Variants in LRRC37A observed in about 807,000 individuals in gnomAD.
The protein encoded by LRRC37A is leucine-rich repeat-containing protein 37A.
In LRRC37A, 3 loss-of-function variants were observed where a neutral mutation model predicts 35.4. That is an observed-to-expected ratio of 0.08 (90% confidence interval 0.04 to 0.22). LRRC37A has a LOEUF of 0.22. Among genes scored for constraint, LRRC37A ranks in the 10% least tolerant of loss-of-function variants. The pLI, the probability that LRRC37A is intolerant of heterozygous loss-of-function variation, is 1.00. For missense variants in LRRC37A, 67 were observed against 565.3 expected, an observed-to-expected ratio of 0.12 and a Z score of 8.94; for synonymous variants, 23 against 215.0, an observed-to-expected ratio of 0.11 and a Z score of 7.81.
At chr17:46,259,442 C>T in the LRRC37A span, 1 of 1,122,952 alleles carries the variant, frequency 8.9e-7, no homozygotes, top group Non-Finnish European at 1.3e-6. Flanking sequence ...GGCCCATGCC[C>T]CTCCCCACCT....
the LRRC37A span, chr17:46,267,574 C>A: frequency 6.2e-7 from 1 of 1,611,590 alleles, no homozygotes; most frequent in Non-Finnish European, 8.5e-7. Flanking sequence ...CCGTTTGTAA[C>A]GTGGGTGCCA....
chr17:46,264,146 C>CTTTTTTTTTTTTT, the LRRC37A span, among the ~76,000 whole-genome samples: 1 of 138,778 alleles, frequency 7.2e-6, no homozygotes, highest in Non-Finnish European at 1.5e-5. Flanking sequence ...CCTCAGCTGA[C>CTTTTTTTTTTTTT]TTTTTTTTTT....
chr17:46,266,749 G>A, the LRRC37A span, among the ~76,000 whole-genome samples: 1 of 152,098 alleles, frequency 6.6e-6, no homozygotes, highest in Admixed American at 6.5e-5. Flanking sequence ...GATCTGGGGA[G>A]GGGGCGCCCA....
chr17:46,279,208 G>T, the LRRC37A span, among the ~76,000 whole-genome samples: 1 of 135,844 alleles, frequency 7.4e-6, no homozygotes, highest in Non-Finnish European at 1.5e-5. Context: ...TTTTGAGACA[G>T]AGTCTCGCTC....
chr17:46,258,436 C>G, the LRRC37A span, among the ~76,000 whole-genome samples: 1 of 152,140 alleles, frequency 6.6e-6, no homozygotes, highest in African/African-American at 2.4e-5. Flanking sequence ...GTCTTGATCT[C>G]TTGACCTTGT....
the LRRC37A span, among the ~76,000 whole-genome samples, chr17:46,279,500 C>CTTTTTT: frequency 6.5e-5 from 8 of 122,416 alleles, no homozygotes; most frequent in South Asian, 2.5e-4. Context: ...TTCTTTCTTT[C>CTTTTTT]TTTTTTTTTT....
chr17:46,276,542 G>A, the LRRC37A span, among the ~76,000 whole-genome samples: 2 of 152,110 alleles, frequency 1.3e-5, no homozygotes, highest in Non-Finnish European at 2.9e-5. Context: ...GAATATGGAT[G>A]GTATAAATGA....
intron 8 of LRRC37A, 58 bp from the exon 9 acceptor site, chr17:46,330,392 C>T: frequency 1.1e-5 from 1 of 87,316 alleles, no homozygotes; most frequent in Non-Finnish European, 2.3e-5. Flanking sequence ...CAGCTATGGA[C>T]TGATGCATCC....
the LRRC37A span, among the ~76,000 whole-genome samples, chr17:46,264,653 G>T: frequency 6.6e-6 from 1 of 152,218 alleles, no homozygotes; most frequent in Non-Finnish European, 1.5e-5. Flanking sequence ...TGAACTCTTT[G>T]TACCTTCCAC....
At chr17:46,274,163 T>C in the LRRC37A span, among the ~76,000 whole-genome samples, 2 of 152,220 alleles carry the variant, frequency 1.3e-5, no homozygotes, top group Non-Finnish European at 2.9e-5. Context: ...AGATAATCAT[T>C]AGCACACATT....
the LRRC37A span, among the ~76,000 whole-genome samples, chr17:46,276,745 G>GT: frequency 6.7e-6 from 1 of 150,216 alleles, no homozygotes; most frequent in African/African-American, 2.5e-5. Context: ...GCAACAGCAA[G>GT]TTGTCTTTAT....
the LRRC37A span, among the ~76,000 whole-genome samples, chr17:46,264,051 A>C: frequency 6.6e-6 from 1 of 152,052 alleles, no homozygotes; most frequent in Admixed American, 6.6e-5. Context: ...GAACCGACAA[A>C]ATAATAATAC....
the LRRC37A span, among the ~76,000 whole-genome samples, chr17:46,270,084 C>T: frequency 2.6e-5 from 4 of 152,178 alleles, no homozygotes; most frequent in Non-Finnish European, 4.4e-5. Flanking sequence ...ATAAGAAGTA[C>T]GGTGAACAGA....
chr17:46,272,765 G>A, the LRRC37A span, among the ~76,000 whole-genome samples: 2 of 152,222 alleles, frequency 1.3e-5, no homozygotes, highest in African/African-American at 4.8e-5. Flanking sequence ...AAGCCCTATA[G>A]TTGATAAAAC....
Position 46,308,139 on chromosome 17 carries a change from A to T in LRRC37A, c.2906+1830A>T, listed in dbSNP as rs901930198. 2.2e-4 allele frequency among the ~76,000 whole-genome samples: 12 copies of T among 55,468 alleles called. 3 individuals are homozygous for T. The highest frequency in any genetic ancestry group is 2.1e-3 in the Admixed American group (10 of 4,746). The allele number at this position is 55,468 out of a possible 152,430, so 36.4% of individuals were successfully genotyped here. ...TAAAAATTAATGAATTCACTCAAAAACATTCAGAGTGTCATGTCCATTTGT... is the reference window on the plus strand; with the variant it reads ...TAAAAATTAATGAATTCACTCAAAATCATTCAGAGTGTCATGTCCATTTGT... On this transcript the variant is annotated intron_variant, in intron 5 of 13. Coordinates refer to ENST00000320254, the Ensembl canonical transcript of LRRC37A.
the LRRC37A span, among the ~76,000 whole-genome samples, chr17:46,279,961 T>C: frequency 1.3e-5 from 2 of 152,244 alleles, no homozygotes; most frequent in African/African-American, 4.8e-5. Flanking sequence ...TGGGGAGTGC[T>C]CCATTCTCCT....
At chr17:46,252,349 C>T in the LRRC37A span, among the ~76,000 whole-genome samples, 1,228 of 143,932 alleles carry the variant, frequency 8.5e-3, 19 homozygotes, top group African/African-American at 0.029. Context: ...GAAATACAGG[C>T]GCGTGCCACC....
At chr17:46,275,741 G>A in the LRRC37A span, among the ~76,000 whole-genome samples, 1 of 152,210 alleles carries the variant, frequency 6.6e-6, no homozygotes, top group Non-Finnish European at 1.5e-5. Context: ...GTGGTGAAAG[G>A]TGCGTGTGTG....
At chr17:46,268,839 G>A in the LRRC37A span, 1 of 605,546 alleles carries the variant, frequency 1.7e-6, no homozygotes, top group Non-Finnish European at 2.4e-6. Flanking sequence ...TAATCTCGAA[G>A]GTGTCACTTT....
Sources: gnomAD v4.1 joint callset for allele counts (sites outside exome capture counted in the v4.1 genomes callset) on GRCh38, gnomAD v4.1.1 for gene constraint, MANE v1.5 for transcripts, NCBI Gene and HGNC (gene_info 2026-07-23, HGNC 2026-07-21) for gene names.